Variants in CDH2 observed in about 807,000 individuals in gnomAD.
CDH2 encodes the protein cadherin-2.
In CDH2, 17 loss-of-function variants were observed where a neutral mutation model predicts 92.0. That is an observed-to-expected ratio of 0.18 (90% confidence interval 0.13 to 0.28). The LOEUF is 0.28. CDH2 is among the 10% of genes least tolerant of loss of function. The probability of loss-of-function intolerance (pLI) is 1.00; values close to 1 mark genes in which losing one functional copy is unlikely to be tolerated. For missense variants in CDH2, 862 were observed against 1,133.1 expected, an observed-to-expected ratio of 0.76 and a Z score of 3.44; for synonymous variants, 419 against 415.9, an observed-to-expected ratio of 1.01 and a Z score of -0.09.
In CDH2 at chr18:28,170,546, C is replaced by T. The variant is rs373416287; in HGVS notation, c.60+6417G>A. ...ATTTTTAGTAGAGACAGGGTTTCAC[C>T]GTGTTAGGCAGGATGGTCTTGATCT... On this transcript the variant is annotated intron_variant, in intron 1 of 15. Transcript: ENST00000269141. Among the ~76,000 whole-genome samples the T allele has an allele frequency of 3.9e-5, 6 of 152,190 alleles. No individual in the cohort carries two copies. In the East Asian group the frequency reaches 9.7e-4, roughly 25 times the overall value.
At chr18:27,999,669 TATATAC>T (rs897701013) in intron 7 of CDH2, among the ~76,000 whole-genome samples, 3 of 149,526 alleles carry the variant, frequency 2.0e-5, no homozygotes, top group Non-Finnish European at 4.5e-5. Flanking sequence ...TATATATACA[TATATAC>T]ATATATATAT....
intron 2 of CDH2, among the ~76,000 whole-genome samples, chr18:28,015,218 T>C (rs563567246): frequency 1.8e-3 from 276 of 152,200 alleles, no homozygotes; most frequent in Non-Finnish European, 3.4e-3. Context: ...TTATTTCCCT[T>C]AGTAACCATA....
chr18:28,117,374 C>T (rs1441582465), intron 2 of CDH2, among the ~76,000 whole-genome samples: 1 of 152,116 alleles, frequency 6.6e-6, no homozygotes, highest in Non-Finnish European at 1.5e-5. Flanking sequence ...AGGCTGGCCA[C>T]CTGGCCCACG....
intron 2 of CDH2, among the ~76,000 whole-genome samples, chr18:28,087,604 C>A (rs989148198): frequency 6.6e-6 from 1 of 152,008 alleles, no homozygotes; most frequent in South Asian, 2.1e-4. Flanking sequence ...AAAAAAATAA[C>A]CCTTGTCTCC....
chr18:28,089,933 T>C (rs1244081270), intron 2 of CDH2, among the ~76,000 whole-genome samples: 2 of 152,210 alleles, frequency 1.3e-5, no homozygotes, highest in African/African-American at 4.8e-5. Context: ...GAATCTTCCA[T>C]ATCCACGTGA....
At chr18:28,161,251 T>C (rs1232381345) in intron 1 of CDH2, among the ~76,000 whole-genome samples, 1 of 152,120 alleles carries the variant, frequency 6.6e-6, no homozygotes, top group Admixed American at 6.5e-5. Flanking sequence ...GTTAAGACTG[T>C]TGCTGTGGTC....
intron 1 of CDH2, among the ~76,000 whole-genome samples, chr18:28,161,953 G>A (rs1356224665): frequency 1.3e-5 from 2 of 152,160 alleles, no homozygotes; most frequent in Non-Finnish European, 2.9e-5. Flanking sequence ...CGTAAGCTTC[G>A]ACAGATGGGA....
chr18:28,019,388 G>T (rs1445941088), intron 2 of CDH2, among the ~76,000 whole-genome samples: 1 of 151,794 alleles, frequency 6.6e-6, no homozygotes, highest in Admixed American at 6.6e-5. Context: ...AAAGAAAAAA[G>T]AAAAGAAAAA....
At chr18:28,108,926 C>A (rs1052186073) in intron 2 of CDH2, among the ~76,000 whole-genome samples, 1 of 152,136 alleles carries the variant, frequency 6.6e-6, no homozygotes, top group African/African-American at 2.4e-5. Context: ...AAGGCAGAAT[C>A]ATAAAACTCA....
At chr18:28,143,015 C>A (rs1330185825) in intron 2 of CDH2, among the ~76,000 whole-genome samples, 1 of 151,994 alleles carries the variant, frequency 6.6e-6, no homozygotes, top group Admixed American at 6.6e-5. Context: ...CTTCTTCTGA[C>A]CATGTTAATG....
chr18:27,957,298 T>C (rs2011275062), intron 15 of CDH2, among the ~76,000 whole-genome samples: 3 of 152,048 alleles, frequency 2.0e-5, no homozygotes, highest in African/African-American at 4.8e-5. Flanking sequence ...CTCCAGACTG[T>C]AGTGCAGTGG....
intron 2 of CDH2, among the ~76,000 whole-genome samples, chr18:28,106,260 T>C (rs1254929306): frequency 6.6e-6 from 1 of 151,990 alleles, no homozygotes; most frequent in African/African-American, 2.4e-5. Flanking sequence ...TTCCTAAAAA[T>C]ACAAAAATTA....
chr18:27,966,166 T>G (rs1483264699), intron 14 of CDH2, among the ~76,000 whole-genome samples: 1 of 152,020 alleles, frequency 6.6e-6, no homozygotes, highest in Non-Finnish European at 1.5e-5. Flanking sequence ...AAGCTGTCCT[T>G]AAAATGGGGG....
At chr18:28,022,201 C>A (rs1336034582) in intron 2 of CDH2, among the ~76,000 whole-genome samples, 1 of 150,406 alleles carries the variant, frequency 6.6e-6, no homozygotes, top group Admixed American at 6.6e-5. Context: ...TTTTTTTTTT[C>A]TAGAATAATT....
intron 2 of CDH2, among the ~76,000 whole-genome samples, chr18:28,075,680 G>C (rs2014705552): frequency 6.6e-6 from 1 of 152,316 alleles, no homozygotes; most frequent in African/African-American, 2.4e-5. Flanking sequence ...ACTAGCAGCT[G>C]CAGGACATTT....
intron 2 of CDH2, among the ~76,000 whole-genome samples, chr18:28,049,013 G>A (rs1175989341): frequency 1.3e-5 from 2 of 152,152 alleles, no homozygotes; most frequent in African/African-American, 4.8e-5. Context: ...CTCCTCTTTA[G>A]GCTCTATTTC....
intron 11 of CDH2, among the ~76,000 whole-genome samples, chr18:27,986,883 C>T (rs2012252263): frequency 6.6e-6 from 1 of 152,094 alleles, no homozygotes; most frequent in African/African-American, 2.4e-5. Flanking sequence ...ACTTTTATAA[C>T]AACTATATAG....
downstream of CDH2, among the ~76,000 whole-genome samples, chr18:27,950,753 T>C (rs1909401275): frequency 6.6e-6 from 1 of 152,204 alleles, no homozygotes; most frequent in Non-Finnish European, 1.5e-5. Context: ...GTAGGGTCTA[T>C]TCCTGAATCA....
chr18:28,152,890 G>A (rs897137026), intron 1 of CDH2, among the ~76,000 whole-genome samples: 2 of 152,170 alleles, frequency 1.3e-5, no homozygotes, highest in African/African-American at 4.8e-5. Flanking sequence ...TCAATACCAA[G>A]ATAGTTAAGA....
Sources: gnomAD v4.1 joint callset for allele counts (sites outside exome capture counted in the v4.1 genomes callset) on GRCh38, gnomAD v4.1.1 for gene constraint, MANE v1.5 for transcripts, NCBI Gene and HGNC (gene_info 2026-07-23, HGNC 2026-07-21) for gene names.